Variants in CSNK1G3 observed in about 807,000 individuals in gnomAD.
The protein encoded by CSNK1G3 is casein kinase I isoform gamma-3.
Under a neutral mutation model 64.3 loss-of-function variants are expected in CSNK1G3, and 23 were observed. The ratio of observed to expected loss-of-function variants is 0.36; its 90% CI spans 0.26 to 0.51. The LOEUF (loss-of-function observed/expected upper bound fraction) is 0.51. CSNK1G3 is among the 20% of genes least tolerant of loss of function. The pLI, the probability that CSNK1G3 is intolerant of heterozygous loss-of-function variation, is 0.96. For missense variants in CSNK1G3, 357 were observed against 510.5 expected (o/e 0.70, Z 2.90); for synonymous variants, 158 against 162.2 (o/e 0.97, Z 0.20).
intron 11 of CSNK1G3, among the ~76,000 whole-genome samples, chr5:123,605,115 G>C (rs1311622434): frequency 1.3e-5 from 2 of 152,012 alleles, no homozygotes; most frequent in Non-Finnish European, 2.9e-5. Context: ...ATGCATGAAA[G>C]TTATTGATGT....
rs574709184 is a variant in CSNK1G3 at position 123,548,740 on chromosome 5, T to TA, written c.178+2912dup. Among the ~76,000 whole-genome samples the TA allele has an allele frequency of 5.5e-3, 783 of 142,592 alleles. 23 individuals are homozygous for TA. In the South Asian group the frequency reaches 0.084, roughly 15 times the overall value. The allele number at this position is 142,592 out of a possible 152,430, so 93.5% of individuals were successfully genotyped here. On this transcript the variant is annotated intron_variant, in intron 2 of 12. Coordinates refer to ENST00000345990, the Ensembl canonical transcript of CSNK1G3. Reference sequence around the variant, plus strand: ...GGACAATATAGTGAGATCCTGTCTGTAAAAAAAAAAAAATGATAATAAGGA... The same window carrying TA: ...GGACAATATAGTGAGATCCTGTCTGTAAAAAAAAAAAAAATGATAATAAGGA...
chr5:123,571,369 C>T (rs1339841182), intron 4 of CSNK1G3, among the ~76,000 whole-genome samples: 3 of 151,956 alleles, frequency 2.0e-5, no homozygotes, highest in South Asian at 2.1e-4. Flanking sequence ...CTGCAATCTC[C>T]GCCTCCTGGG....
At chr5:123,565,201 C>T (rs1247606476) in intron 4 of CSNK1G3, among the ~76,000 whole-genome samples, 1 of 152,128 alleles carries the variant, frequency 6.6e-6, no homozygotes, top group Non-Finnish European at 1.5e-5. Context: ...CCCATATCTT[C>T]TGCATTTAAT....
chr5:123,580,830 A>G (rs1790100108), intron 6 of CSNK1G3, among the ~76,000 whole-genome samples: 1 of 151,872 alleles, frequency 6.6e-6, no homozygotes, highest in African/African-American at 2.4e-5. Context: ...TTATTTTTAA[A>G]TTTTTATTGA....
intron 6 of CSNK1G3, among the ~76,000 whole-genome samples, chr5:123,579,493 A>G (rs1789841477): frequency 6.6e-6 from 1 of 151,868 alleles, no homozygotes; most frequent in African/African-American, 2.4e-5. Context: ...TTACATGTTC[A>G]GAGTCTGTGA....
chr5:123,554,218 T>C (rs997498279), intron 3 of CSNK1G3, among the ~76,000 whole-genome samples: 3 of 152,176 alleles, frequency 2.0e-5, no homozygotes, highest in Admixed American at 6.5e-5. Flanking sequence ...GAGAGATTGG[T>C]TGGCTGACAT....
intron 1 of CSNK1G3, among the ~76,000 whole-genome samples, chr5:123,514,878 A>G (rs534191987): frequency 3.9e-5 from 6 of 152,244 alleles, no homozygotes; most frequent in African/African-American, 1.4e-4. Context: ...TTCAGCTTGT[A>G]TTTAAAGATG....
intron 1 of CSNK1G3, among the ~76,000 whole-genome samples, chr5:123,519,683 T>G (rs1470544877): frequency 6.6e-6 from 1 of 152,072 alleles, no homozygotes; most frequent in Admixed American, 6.6e-5. Context: ...CCAGTGAGAT[T>G]GGAGGAAAGG....
chr5:123,580,679 G>A (rs1382773148), intron 6 of CSNK1G3, among the ~76,000 whole-genome samples: 3 of 151,828 alleles, frequency 2.0e-5, no homozygotes, highest in Non-Finnish European at 4.4e-5. Flanking sequence ...AAAGACTTTT[G>A]TTAGCTGCCC....
exon 13 of CSNK1G3, chr5:123,616,570 CTT>C (rs1182351730): frequency 1.3e-5 from 2 of 152,500 alleles, no homozygotes; most frequent in Non-Finnish European, 1.5e-5. Context: ...AGGAATAAGT[CTT>C]TTGGCAACAC....
At chr5:123,535,943 T>C (rs934090943) in intron 1 of CSNK1G3, among the ~76,000 whole-genome samples, 2 of 152,140 alleles carry the variant, frequency 1.3e-5, no homozygotes, top group African/African-American at 4.8e-5. Context: ...TTCATTCTTC[T>C]TTCTTGCATT....
At chr5:123,558,541 T>C (rs2150431533) in intron 4 of CSNK1G3, among the ~76,000 whole-genome samples, 1 of 152,294 alleles carries the variant, frequency 6.6e-6, no homozygotes, top group South Asian at 2.1e-4. Context: ...TACATTCTAG[T>C]GGGTAGAGCT....
intron 1 of CSNK1G3, among the ~76,000 whole-genome samples, chr5:123,533,871 A>C (rs1780373655): frequency 1.3e-5 from 2 of 150,780 alleles, no homozygotes; most frequent in South Asian, 4.2e-4. Context: ...AGCTTTCCTG[A>C]TGTATCTAGT....
At chr5:123,542,413 C>G (rs1188032514) in intron 1 of CSNK1G3, among the ~76,000 whole-genome samples, 5 of 152,100 alleles carry the variant, frequency 3.3e-5, no homozygotes, top group Non-Finnish European at 7.4e-5. Flanking sequence ...GAAATTAATA[C>G]TCATGCATTT....
chr5:123,592,662 C>G (rs150320456), intron 10 of CSNK1G3, among the ~76,000 whole-genome samples: 224 of 151,436 alleles, frequency 1.5e-3, no homozygotes, highest in African/African-American at 4.8e-3. Context: ...GGATGACAAT[C>G]AAAAGAAAGA....
rs138146705 is a variant in CSNK1G3, at chr5:123,613,449, T to C, written c.1218-893T>C. Among the ~76,000 whole-genome samples, 53 of 151,618 alleles carry C rather than the reference T, an allele frequency of 3.5e-4. No homozygotes were observed. In the East Asian group the frequency reaches 9.7e-3, roughly 28 times the overall value. ...TGTGTGTGTGCGTATGTATGTATAA[T>C]ATAATATATGTGTGTACATTTATAT... On this transcript the variant is annotated intron_variant, in intron 12 of 12. Coordinates refer to ENST00000345990, the Ensembl canonical transcript of CSNK1G3.
intron 12 of CSNK1G3, among the ~76,000 whole-genome samples, chr5:123,608,911 C>A (rs911175123): frequency 2.0e-5 from 3 of 152,108 alleles, no homozygotes; most frequent in African/African-American, 7.2e-5. Context: ...ATAATTTTTA[C>A]TGGAGTTCAG....
chr5:123,580,670 A>G (rs1790072380), intron 6 of CSNK1G3, among the ~76,000 whole-genome samples: 2 of 151,830 alleles, frequency 1.3e-5, no homozygotes, highest in Admixed American at 6.6e-5. Context: ...TATCTTTTTA[A>G]AGACTTTTGT....
chr5:123,531,603 TATTC>T (rs1315896950), intron 1 of CSNK1G3, among the ~76,000 whole-genome samples: 4 of 152,082 alleles, frequency 2.6e-5, no homozygotes, highest in African/African-American at 7.2e-5. Context: ...AAATTATTTA[TATTC>T]ATTCTCAAAG....
Sources: gnomAD v4.1 joint callset for allele counts (sites outside exome capture counted in the v4.1 genomes callset) on GRCh38, gnomAD v4.1.1 for gene constraint, MANE v1.5 for transcripts, NCBI Gene and HGNC (gene_info 2026-07-23, HGNC 2026-07-21) for gene names.